The following FOXK2 variants were observed in gnomAD, a reference collection of about 807,000 sequenced individuals.
The protein encoded by FOXK2 is forkhead box protein K2.
Under a neutral mutation model 53.3 loss-of-function variants are expected in FOXK2, and 24 were observed. That is an observed-to-expected ratio of 0.45 (90% CI 0.33 to 0.63). The LOEUF is 0.63. Among genes scored for constraint, FOXK2 ranks in the 30% least tolerant of loss-of-function variants. The probability of loss-of-function intolerance (pLI) is 0.03; values close to 1 mark genes in which losing one functional copy is unlikely to be tolerated. For missense variants in FOXK2, 952 were observed against 910.5 expected, an observed-to-expected ratio of 1.05 and a Z score of -0.59; for synonymous variants, 505 against 407.1, an observed-to-expected ratio of 1.24 and a Z score of -2.89.
intron 4 of FOXK2, among the ~76,000 whole-genome samples, chr17:82,573,767 C>A (rs4789798): frequency 6.6e-6 from 1 of 152,008 alleles, no homozygotes; most frequent in East Asian, 1.9e-4. Context: ...GGGGCTTTGT[C>A]AGTGTGTTTC....
intron 1 of FOXK2, among the ~76,000 whole-genome samples, chr17:82,538,848 A>AG (rs2044546421): frequency 6.6e-6 from 1 of 152,196 alleles, no homozygotes; most frequent in African/African-American, 2.4e-5. Flanking sequence ...CACAGCTCAC[A>AG]GCCACTCAGC....
chr17:82,539,667 A>G (rs903830189), intron 1 of FOXK2, among the ~76,000 whole-genome samples: 1 of 145,852 alleles, frequency 6.9e-6, no homozygotes, highest in East Asian at 2.2e-4. Flanking sequence ...AATTAATTAA[A>G]AAATATATGT....
At chr17:82,532,488 A>G (rs527377976) in intron 1 of FOXK2, among the ~76,000 whole-genome samples, 1 of 152,026 alleles carries the variant, frequency 6.6e-6, no homozygotes, top group East Asian at 1.9e-4. Context: ...AAAGAAAAAA[A>G]TTGTAAATAA....
At chr17:82,524,268 A>T (rs943974733) in intron 1 of FOXK2, among the ~76,000 whole-genome samples, 1 of 152,252 alleles carries the variant, frequency 6.6e-6, no homozygotes, top group African/African-American at 2.4e-5. Context: ...AAAATAATGT[A>T]ACAACCCGTC....
intron 1 of FOXK2, among the ~76,000 whole-genome samples, chr17:82,552,369 C>G (rs1486919248): frequency 6.6e-6 from 1 of 152,168 alleles, no homozygotes; most frequent in African/African-American, 2.4e-5. Context: ...GCTTTCCCTG[C>G]AGGCATCCTC....
chr17:82,574,478 A>G (rs2044959797), intron 4 of FOXK2, among the ~76,000 whole-genome samples: 2 of 151,408 alleles, frequency 1.3e-5, no homozygotes, highest in South Asian at 4.2e-4. Flanking sequence ...GAGCCACCAC[A>G]CCCGGCTAAT....
chr17:82,558,078 C>T (rs1392304209), intron 1 of FOXK2, among the ~76,000 whole-genome samples: 4 of 152,154 alleles, frequency 2.6e-5, no homozygotes, highest in African/African-American at 9.7e-5. Context: ...CATGCCTGTG[C>T]TTCCAGTACT....
intron 1 of FOXK2, among the ~76,000 whole-genome samples, chr17:82,539,824 G>A (rs1257920876): frequency 1.3e-5 from 2 of 151,226 alleles, no homozygotes; most frequent in African/African-American, 2.4e-5. Flanking sequence ...AAATTAGCTG[G>A]GCATGGTGGC....
At chr17:82,579,210 A>G (rs531971129) in intron 4 of FOXK2, among the ~76,000 whole-genome samples, 1 of 152,318 alleles carries the variant, frequency 6.6e-6, no homozygotes, top group East Asian at 1.9e-4. Flanking sequence ...TAGTCTCAGA[A>G]TCTACCTTCT....
At position 82,521,932 on chromosome 17, in the gene FOXK2, C is replaced by A. The variant is rs537592276; in HGVS notation, c.419+1625C>A. Among the ~76,000 whole-genome samples, 80 of 140,548 alleles carry A rather than the reference C, an allele frequency of 5.7e-4. 1 individual carries two copies. Among genetic ancestry groups the A allele is most frequent in the African/African-American group, 1.9e-3 (70 of 37,202 alleles). 92.2% of individuals were successfully genotyped at this position (140,548 alleles called of 152,430 possible). A position where few individuals can be genotyped will look rare whatever the true frequency, so the allele number is the denominator to read the frequency against. ...GCCTGGGGGACAGAGGAAGACTCCGCCTCAAAAAAAAAAAAGAAATTTTCA... is the reference window on the plus strand; with the variant it reads ...GCCTGGGGGACAGAGGAAGACTCCGACTCAAAAAAAAAAAAGAAATTTTCA... On this transcript the variant is annotated intron_variant, in intron 1 of 8. Transcript: ENST00000335255.
chr17:82,520,451 C>A (rs1278050426), intron 1 of FOXK2, 144 bp downstream of exon 1: 2 of 709,220 alleles, frequency 2.8e-6, no homozygotes, highest in Non-Finnish European at 1.9e-6. Flanking sequence ...GGACCCAGGC[C>A]CCGGCTGGAT....
rs1282305641 is a variant in FOXK2, at chr17:82,546,113, G to GT, written c.420-17241_420-17240insT. Among the ~76,000 whole-genome samples, 2,084 of 97,832 alleles carry GT rather than the reference G, an allele frequency of 0.021. 125 individuals are homozygous for GT. In the East Asian group the frequency reaches 0.24, roughly 11 times the overall value. The allele number at this position is 97,832 out of a possible 152,430, so 64.2% of individuals were successfully genotyped here. A position where few individuals can be genotyped will look rare whatever the true frequency, so the allele number is the denominator to read the frequency against. On this transcript the variant is annotated intron_variant, in intron 1 of 8. Coordinates refer to ENST00000335255, the MANE Select transcript of FOXK2 (RefSeq NM_004514.4). ...TGCTTACTTGCTACCAAGCATGGTT[G>GT]GTTTTTTTTTTTTTTTTTTTTGAGA...
intron 8 of FOXK2, among the ~76,000 whole-genome samples, chr17:82,590,105 C>G (rs2045238177): frequency 6.6e-6 from 1 of 151,850 alleles, no homozygotes; most frequent in Admixed American, 6.6e-5. Context: ...CATGCTCCAT[C>G]CCATAGTTTT....
intron 1 of FOXK2, among the ~76,000 whole-genome samples, chr17:82,558,400 C>T (rs1023692424): frequency 1.4e-4 from 21 of 152,184 alleles, no homozygotes; most frequent in Admixed American, 1.3e-4. Context: ...GTGCCCTGTC[C>T]GCGGAGAGCA....
chr17:82,572,129 A>G (rs748716084), intron 4 of FOXK2: 3 of 350,106 alleles, frequency 8.6e-6, no homozygotes, highest in African/African-American at 4.2e-5. Flanking sequence ...ATGTGTCTGC[A>G]TAGGATTTGT....
chr17:82,522,165 T>C (rs72859200), intron 1 of FOXK2, among the ~76,000 whole-genome samples: 27,166 of 150,502 alleles, frequency 0.18, 2,786 homozygotes, highest in Non-Finnish European at 0.24. Flanking sequence ...CTCTGTGACC[T>C]AGCCTGGAGT....
chr17:82,572,702 G>GT (rs1489508202), intron 4 of FOXK2, among the ~76,000 whole-genome samples: 1 of 152,072 alleles, frequency 6.6e-6, no homozygotes, highest in Non-Finnish European at 1.5e-5. Flanking sequence ...TATGCTTATA[G>GT]TTTTTTAATT....
intron 5 of FOXK2, among the ~76,000 whole-genome samples, chr17:82,583,674 G>A (rs905502336): frequency 2.5e-4 from 38 of 151,888 alleles, no homozygotes; most frequent in Non-Finnish European, 4.9e-4. Flanking sequence ...AAAAATGAGC[G>A]TAACGTAAGT....
chr17:82,527,450 G>A (rs1022364536), intron 1 of FOXK2, among the ~76,000 whole-genome samples: 1 of 151,940 alleles, frequency 6.6e-6, no homozygotes, highest in Non-Finnish European at 1.5e-5. Flanking sequence ...CCAACATGGC[G>A]AAACTCCGAC....
Sources: allele counts gnomAD v4.1 joint callset (sites outside exome capture counted in the v4.1 genomes callset), GRCh38; gene constraint gnomAD v4.1.1; transcripts MANE v1.5; gene names NCBI Gene and HGNC (gene_info 2026-07-23, HGNC 2026-07-21).